NR3C2: variants seen among roughly 807,000 people sequenced by gnomAD.
NR3C2 encodes the protein nuclear receptor subfamily 3 group C member 2.
NR3C2 carries 15 observed loss-of-function variants against 86.4 expected under a neutral mutation model. The ratio of observed to expected loss-of-function variants is 0.17; its 90% CI spans 0.12 to 0.27. NR3C2 has a LOEUF of 0.27. Among genes scored for constraint, NR3C2 ranks in the 10% least tolerant of loss-of-function variants. NR3C2 has a pLI of 1.00. For missense variants in NR3C2, 960 were observed against 1,195.6 expected, an observed-to-expected ratio of 0.80 and a Z score of 2.91; for synonymous variants, 458 against 450.5, an observed-to-expected ratio of 1.02 and a Z score of -0.21.
chr4:148,224,316 CATT>C (rs1475954498), intron 3 of NR3C2, among the ~76,000 whole-genome samples: 8 of 152,146 alleles, frequency 5.3e-5, no homozygotes, highest in Non-Finnish European at 8.8e-5. Context: ...TACATACACA[CATT>C]AGTCAAAATA....
intron 6 of NR3C2, among the ~76,000 whole-genome samples, chr4:148,126,523 T>A (rs1231290576): frequency 6.6e-6 from 1 of 152,220 alleles, no homozygotes; most frequent in African/African-American, 2.4e-5. Context: ...AGAAATAACT[T>A]GCCTAGAGTA....
At chr4:148,309,036 T>A (rs1742778879) in intron 2 of NR3C2, among the ~76,000 whole-genome samples, 2 of 152,028 alleles carry the variant, frequency 1.3e-5, no homozygotes, top group Non-Finnish European at 2.9e-5. Flanking sequence ...GGATATTGAA[T>A]GTTTTCAATA....
chr4:148,171,763 A>G (rs1047553991), intron 4 of NR3C2, among the ~76,000 whole-genome samples: 1 of 152,030 alleles, frequency 6.6e-6, no homozygotes, highest in Non-Finnish European at 1.5e-5. Context: ...AGGCTTCTCT[A>G]TTTCCCAGAG....
intron 2 of NR3C2, among the ~76,000 whole-genome samples, chr4:148,320,763 T>A (rs57312855): frequency 1.8e-3 from 266 of 151,956 alleles, no homozygotes; most frequent in African/African-American, 5.8e-3. Flanking sequence ...TTGATTCTTC[T>A]CTCTTTTTTT....
At chr4:148,373,480 CT>C (rs11377568) in intron 2 of NR3C2, among the ~76,000 whole-genome samples, 50 of 129,790 alleles carry the variant, frequency 3.9e-4, no homozygotes, top group Non-Finnish European at 3.6e-4. Flanking sequence ...CTTTTTTTTT[CT>C]TTTTTTTTTT....
At chr4:148,407,484 G>A (rs557948040) in intron 2 of NR3C2, among the ~76,000 whole-genome samples, 13 of 152,092 alleles carry the variant, frequency 8.5e-5, no homozygotes, top group African/African-American at 2.9e-4. Context: ...GTTTACTTTT[G>A]TGAAATTTTA....
At position 148,435,956 on chromosome 4, in the gene NR3C2, T is replaced by A. The variant is rs756446222; in HGVS notation, c.905A>T (p.Asn302Ile). 2.5e-6 allele frequency: 4 copies of A among 1,614,122 alleles called. No homozygotes were observed. In the East Asian group the frequency reaches 8.9e-5, roughly 36 times the overall value. Residue 302 changes from asparagine (N) to isoleucine (I), a missense_variant, in exon 2 of 9, where the codon AAT becomes ATT. Transcript: ENST00000358102. ...TLRSSVSSPA[N>I]INNSRCSVSS... Reference sequence around the variant, plus strand: ...AACAGAGCACCTTGAGTTGTTAATATTTGCAGGGCTAGACACAGAGGATCT... The same window carrying A: ...AACAGAGCACCTTGAGTTGTTAATAATTGCAGGGCTAGACACAGAGGATCT...
At chr4:148,251,147 T>C (rs560805460) in intron 3 of NR3C2, among the ~76,000 whole-genome samples, 1 of 152,098 alleles carries the variant, frequency 6.6e-6, no homozygotes, top group South Asian at 2.1e-4. Context: ...TTTGTAGAAA[T>C]GGGGTTTTGC....
chr4:148,396,335 C>G (rs532879101), intron 2 of NR3C2, among the ~76,000 whole-genome samples: 6 of 152,196 alleles, frequency 3.9e-5, no homozygotes, highest in Admixed American at 1.3e-4. Flanking sequence ...TGTGTTTTCC[C>G]TGGGGCAAAG....
intron 2 of NR3C2, among the ~76,000 whole-genome samples, chr4:148,303,855 G>A (rs1742465963): frequency 6.6e-6 from 1 of 152,218 alleles, no homozygotes; most frequent in South Asian, 2.1e-4. Flanking sequence ...AGGGAAGACA[G>A]GGCATACATG....
chr4:148,172,610 TGTC>T (rs1735186097), intron 4 of NR3C2, among the ~76,000 whole-genome samples: 1 of 152,194 alleles, frequency 6.6e-6, no homozygotes, highest in Admixed American at 6.5e-5. Context: ...AGCCAAACCT[TGTC>T]GTGATTATTA....
chr4:148,161,791 G>C (rs1734673897), intron 4 of NR3C2, among the ~76,000 whole-genome samples: 1 of 152,136 alleles, frequency 6.6e-6, no homozygotes, highest in Admixed American at 6.5e-5. Flanking sequence ...AACAAGATCT[G>C]AGCCCTGATA....
At chr4:148,353,630 A>G (rs1745407525) in intron 2 of NR3C2, among the ~76,000 whole-genome samples, 1 of 152,196 alleles carries the variant, frequency 6.6e-6, no homozygotes, top group Admixed American at 6.6e-5. Context: ...TTCTATGATG[A>G]ATGAGTTTTA....
intron 2 of NR3C2, among the ~76,000 whole-genome samples, chr4:148,351,803 G>C (rs1476243333): frequency 6.6e-6 from 1 of 152,136 alleles, no homozygotes; most frequent in African/African-American, 2.4e-5. Context: ...ATAAAAGGGT[G>C]ATAAATGCCT....
chr4:148,121,913 C>T (rs952417765), intron 6 of NR3C2, among the ~76,000 whole-genome samples: 3 of 152,174 alleles, frequency 2.0e-5, no homozygotes, highest in Non-Finnish European at 4.4e-5. Context: ...TTATTGCTAT[C>T]ACAAATGATG....
chr4:148,111,336 C>A (rs1400540029), intron 8 of NR3C2, among the ~76,000 whole-genome samples: 1 of 152,134 alleles, frequency 6.6e-6, no homozygotes, highest in Non-Finnish European at 1.5e-5. Context: ...CAAGAGTTGG[C>A]AAGGGTATGG....
chr4:148,247,633 C>T (rs1414002771), intron 3 of NR3C2, among the ~76,000 whole-genome samples: 1 of 150,752 alleles, frequency 6.6e-6, no homozygotes, highest in African/African-American at 2.4e-5. Context: ...ATCCGTGGGC[C>T]TTTTTATTAG....
chr4:148,264,852 C>A (rs1238990576), intron 2 of NR3C2, among the ~76,000 whole-genome samples: 1 of 152,144 alleles, frequency 6.6e-6, no homozygotes, highest in Admixed American at 6.5e-5. Context: ...AAATATTATT[C>A]TTTCTAAATC....
At chr4:148,210,045 C>T (rs1737205693) in intron 3 of NR3C2, among the ~76,000 whole-genome samples, 1 of 152,132 alleles carries the variant, frequency 6.6e-6, no homozygotes, top group South Asian at 2.1e-4. Flanking sequence ...CAAGGTCCTT[C>T]CCTTCCATTC....
Sources: allele counts gnomAD v4.1 joint callset (sites outside exome capture counted in the v4.1 genomes callset), GRCh38; gene constraint gnomAD v4.1.1; transcripts MANE v1.5; gene names NCBI Gene and HGNC (gene_info 2026-07-23, HGNC 2026-07-21).